The following ARL15 variants were observed in gnomAD, a reference collection of about 807,000 sequenced individuals.
ARL15 encodes ARF like GTPase 15.
A neutral mutation model predicts 25.2 loss-of-function variants in ARL15; 19 were observed. The ratio of observed to expected loss-of-function variants is 0.75; its 90% CI spans 0.53 to 1.10. ARL15 has a LOEUF of 1.10. Ranked by LOEUF, ARL15 falls within the 50% of genes least tolerant of loss-of-function variation. ARL15 has a pLI of 0.00. For synonymous variants in ARL15, 94 were observed against 86.8 expected (o/e 1.08, Z -0.46); for missense variants, 220 against 246.0 (o/e 0.89, Z 0.71).
intron 2 of ARL15, among the ~76,000 whole-genome samples, chr5:54,160,535 C>T (rs1393394752): frequency 6.6e-6 from 1 of 152,104 alleles, no homozygotes; most frequent in South Asian, 2.1e-4. Flanking sequence ...TTAACAACCC[C>T]TCTTATCAAC....
chr5:54,117,408 A>ACAC (rs1561230328), intron 3 of ARL15, among the ~76,000 whole-genome samples: 23 of 86,894 alleles, frequency 2.6e-4, no homozygotes, highest in South Asian at 8.5e-4. Flanking sequence ...CACACACACA[A>ACAC]ACCCAAAGAG....
chr5:54,297,682 G>A (rs1243955619), intron 1 of ARL15, among the ~76,000 whole-genome samples: 1 of 152,106 alleles, frequency 6.6e-6, no homozygotes, highest in Non-Finnish European at 1.5e-5. Flanking sequence ...CACCCCTATT[G>A]TCTGACCACA....
At chr5:54,107,187 AC>A in intron 4 of ARL15, among the ~76,000 whole-genome samples, 1 of 152,272 alleles carries the variant, frequency 6.6e-6, no homozygotes, top group Admixed American at 6.5e-5. Context: ...ACTTACTACC[AC>A]GAGAATAGCA....
At chr5:54,177,847 T>C (rs1156915843) in intron 1 of ARL15, among the ~76,000 whole-genome samples, 1 of 152,196 alleles carries the variant, frequency 6.6e-6, no homozygotes, top group East Asian at 1.9e-4. Flanking sequence ...AAACTCCTGC[T>C]CAAAGTTCTG....
At chr5:54,240,023 C>T (rs1174880051) in intron 1 of ARL15, among the ~76,000 whole-genome samples, 3 of 152,092 alleles carry the variant, frequency 2.0e-5, no homozygotes, top group African/African-American at 4.8e-5. Flanking sequence ...GTCAGGAGAT[C>T]GAGACCATCC....
intron 4 of ARL15, among the ~76,000 whole-genome samples, chr5:54,039,325 C>A (rs548003504): frequency 6.6e-6 from 1 of 152,146 alleles, no homozygotes; most frequent in South Asian, 2.1e-4. Flanking sequence ...AAAATTAAGA[C>A]TAAAGTAGAG....
At chr5:54,195,453 A>ACTT (rs1755524547) in intron 1 of ARL15, among the ~76,000 whole-genome samples, 5 of 152,172 alleles carry the variant, frequency 3.3e-5, no homozygotes, top group Admixed American at 3.3e-4. Flanking sequence ...GAAGGAAATA[A>ACTT]TTTGCTCCTT....
intron 3 of ARL15, among the ~76,000 whole-genome samples, chr5:54,149,695 T>C (rs1037141899): frequency 6.6e-6 from 1 of 152,196 alleles, no homozygotes; most frequent in African/African-American, 2.4e-5. Flanking sequence ...ACAGAATTTC[T>C]GAGCTTTGAA....
intron 4 of ARL15, among the ~76,000 whole-genome samples, chr5:54,027,253 C>G (rs1253618270): frequency 6.6e-6 from 1 of 152,148 alleles, no homozygotes; most frequent in African/African-American, 2.4e-5. Flanking sequence ...TTTTGCACAT[C>G]CCCTGTGCAC....
intron 4 of ARL15, among the ~76,000 whole-genome samples, chr5:54,065,743 G>A (rs930778773): frequency 2.6e-5 from 4 of 152,048 alleles, no homozygotes; most frequent in African/African-American, 7.2e-5. Context: ...TGTGCTATAT[G>A]CATAAAATGT....
chr5:54,217,937 GA>G (rs3842039), intron 1 of ARL15, among the ~76,000 whole-genome samples: 20,140 of 151,730 alleles, frequency 0.13, 1,805 homozygotes, highest in Admixed American at 0.21. Flanking sequence ...TTAAAAGGGG[GA>G]AAAAAAATCA....
At chr5:53,922,398 T>C (rs576628904) in intron 4 of ARL15, among the ~76,000 whole-genome samples, 1 of 152,360 alleles carries the variant, frequency 6.6e-6, no homozygotes, top group Admixed American at 6.5e-5. Context: ...GAATGTCTTC[T>C]TATTTTTTAA....
intron 4 of ARL15, among the ~76,000 whole-genome samples, chr5:53,981,177 G>A (rs1246196627): frequency 2.7e-5 from 4 of 150,654 alleles, no homozygotes; most frequent in Non-Finnish European, 4.4e-5. Context: ...ACTAGATCCA[G>A]AAAAAAAAAT....
intron 4 of ARL15, among the ~76,000 whole-genome samples, chr5:54,076,170 G>A (rs565939154): frequency 5.3e-5 from 8 of 151,992 alleles, no homozygotes; most frequent in East Asian, 1.9e-4. Flanking sequence ...TAATCCCAGC[G>A]CTTTGGGAGG....
At chr5:54,022,822 A>C (rs1749650666) in intron 4 of ARL15, among the ~76,000 whole-genome samples, 1 of 152,188 alleles carries the variant, frequency 6.6e-6, no homozygotes, top group Non-Finnish European at 1.5e-5. Flanking sequence ...GACTCAAATT[A>C]TTGAACCTTC....
At chr5:54,069,968 C>A (rs957163027) in intron 4 of ARL15, among the ~76,000 whole-genome samples, 1 of 103,116 alleles carries the variant, frequency 9.7e-6, no homozygotes, top group Non-Finnish European at 1.9e-5. Flanking sequence ...AGCCACCACA[C>A]CTGGCTGGAG....
chr5:54,255,434 T>C (rs10074776), intron 1 of ARL15, among the ~76,000 whole-genome samples: 19,998 of 152,194 alleles, frequency 0.13, 2,244 homozygotes, highest in African/African-American at 0.3. Flanking sequence ...ACTATTAACT[T>C]AATAAATCCA....
chr5:54,259,311 G>A (rs931144343), intron 1 of ARL15, among the ~76,000 whole-genome samples: 2 of 152,116 alleles, frequency 1.3e-5, no homozygotes, highest in Admixed American at 1.3e-4. Context: ...GTTGGCTGCT[G>A]TCAAACAGTT....
intron 1 of ARL15, among the ~76,000 whole-genome samples, chr5:54,265,819 G>A (rs1757609422): frequency 1.3e-5 from 2 of 152,134 alleles, no homozygotes; most frequent in South Asian, 2.1e-4. Context: ...ACTACAAACT[G>A]ACTTTGTGTA....
Sources: gnomAD v4.1 joint callset for allele counts (sites outside exome capture counted in the v4.1 genomes callset) on GRCh38, gnomAD v4.1.1 for gene constraint, MANE v1.5 for transcripts, NCBI Gene and HGNC (gene_info 2026-07-23, HGNC 2026-07-21) for gene names.